Variants in NPHP4 observed in about 807,000 individuals in gnomAD.
NPHP4 encodes the protein nephrocystin-4.
In NPHP4, 151 loss-of-function variants were observed where a neutral mutation model predicts 155.8. That is an observed-to-expected ratio of 0.97 (90% CI 0.85 to 1.11). NPHP4 has a LOEUF of 1.11. NPHP4 is among the 50% of genes least tolerant of loss of function. NPHP4 has a pLI of 0.00. For synonymous variants in NPHP4, 845 were observed against 816.8 expected (o/e 1.03, Z -0.59); for missense variants, 1,956 against 1,925.7 (o/e 1.02, Z -0.29).
chr1:5,905,194 AGC>A lies in NPHP4; in HGVS notation c.1955+96_1955+97del. On this transcript the variant is annotated intron_variant, in intron 15 of 29. Transcript: ENST00000378156. This position sits in a 1 kb window ranked among gnomAD's most constrained non-coding sequence, Gnocchi z 4.0. ...GCACTCCCGAATCTACTAAGACCTC[AGC>A]ACAGACAGTTCTGCCAGGTCAGAAC... is the stretch of plus-strand genomic sequence containing the variant. 2 of 988,464 alleles carry A rather than the reference AGC, an allele frequency of 2.0e-6. No homozygotes were observed. The highest frequency in any genetic ancestry group is 4.8e-5 in the East Asian group (2 of 41,848). The allele number at this position is 988,464 out of a possible 1,614,324, so 61.2% of individuals were successfully genotyped here.
intron 16 of NPHP4, among the ~76,000 whole-genome samples, chr1:5,899,368 CA>C (rs1168277046): frequency 1.3e-5 from 2 of 152,154 alleles, no homozygotes; most frequent in Admixed American, 6.5e-5. Context: ...ACAGGGACCC[CA>C]CAGACAAGAG....
At chr1:5,953,767 T>C (rs1490285760) in intron 6 of NPHP4, among the ~76,000 whole-genome samples, 1 of 152,220 alleles carries the variant, frequency 6.6e-6, no homozygotes, top group Non-Finnish European at 1.5e-5. Flanking sequence ...CTTCTCCACT[T>C]GCTCTAGAGC....
intron 3 of NPHP4, among the ~76,000 whole-genome samples, chr1:5,972,092 A>AC (rs1652674320): frequency 6.6e-6 from 1 of 152,206 alleles, no homozygotes; most frequent in Non-Finnish European, 1.5e-5. Flanking sequence ...GCAGCCGGGC[A>AC]CCCCCCATGG....
intron 18 of NPHP4, among the ~76,000 whole-genome samples, chr1:5,886,007 A>G (rs565751959): frequency 1.1e-3 from 164 of 152,224 alleles, no homozygotes; most frequent in Non-Finnish European, 2.1e-3. Context: ...CAGGCAAAGT[A>G]TGAAAATGAC....
At chr1:5,920,822 TAC>T (rs749157613) in intron 11 of NPHP4, among the ~76,000 whole-genome samples, 2 of 152,256 alleles carry the variant, frequency 1.3e-5, no homozygotes, top group Non-Finnish European at 2.9e-5. Flanking sequence ...TAACTTTGTT[TAC>T]AGAGTCTTTT....
intron 2 of NPHP4, among the ~76,000 whole-genome samples, chr1:5,979,382 T>C (rs1337895991): frequency 1.3e-5 from 2 of 151,332 alleles, no homozygotes; most frequent in Non-Finnish European, 1.5e-5. Context: ...ATCCTTGAGC[T>C]GAGAACAAGG....
rs181274439 is a variant in NPHP4, at chr1:5,889,247, T to C, written c.2304+1621A>G. On this transcript the variant is annotated intron_variant, in intron 17 of 29. Coordinates refer to ENST00000378156, the MANE Select transcript of NPHP4 (RefSeq NM_015102.5). This position sits in a 1 kb window ranked among gnomAD's most constrained non-coding sequence, Gnocchi z 4.2. ...CGCAACAGCAAGAGCTCAAACAAGA[T>C]GAAAGCTGGCCCCGCCTGCAGAAAG... Among the ~76,000 whole-genome samples the C allele has an allele frequency of 2.3e-4, 35 of 152,202 alleles. No homozygotes were observed. The highest frequency in any genetic ancestry group is 9.2e-4 in the Admixed American group (14 of 15,296).
chr1:5,927,120 T>C (rs1482112451), intron 11 of NPHP4, among the ~76,000 whole-genome samples: 4 of 152,228 alleles, frequency 2.6e-5, no homozygotes, highest in Admixed American at 6.5e-5. Flanking sequence ...AAGAACTCTT[T>C]AACCTCCTAA....
At chr1:5,979,389 A>T (rs1654271390) in intron 2 of NPHP4, among the ~76,000 whole-genome samples, 1 of 152,050 alleles carries the variant, frequency 6.6e-6, no homozygotes, top group Non-Finnish European at 1.5e-5. Flanking sequence ...AGCTGAGAAC[A>T]AGGGGGGCAT....
chr1:5,916,204 A>G (rs1197722232), intron 11 of NPHP4, among the ~76,000 whole-genome samples: 1 of 152,232 alleles, frequency 6.6e-6, no homozygotes, highest in Non-Finnish European at 1.5e-5. Flanking sequence ...TTCTGTGGTA[A>G]GTGATGAATG....
chr1:5,991,065 T>C (rs534652665), intron 1 of NPHP4, among the ~76,000 whole-genome samples: 2 of 152,150 alleles, frequency 1.3e-5, no homozygotes, highest in African/African-American at 2.4e-5. Flanking sequence ...TGAAGGAAGA[T>C]GCAGGGGGTG....
chr1:5,991,021 C>A (rs903814719), intron 1 of NPHP4, among the ~76,000 whole-genome samples: 1 of 152,120 alleles, frequency 6.6e-6, no homozygotes, highest in African/African-American at 2.4e-5. Context: ...TGAGCAGCAA[C>A]AGGCCCCCGG....
chr1:5,931,157 A>C (rs1000874808), intron 10 of NPHP4, among the ~76,000 whole-genome samples: 4 of 152,196 alleles, frequency 2.6e-5, no homozygotes, highest in African/African-American at 9.7e-5. Context: ...ATTTATTTAA[A>C]GTATACTTCT....
chr1:5,864,181 G>A (rs1640941920), intron 28 of NPHP4, 148 bp from the exon 29 acceptor site: 5 of 1,142,614 alleles, frequency 4.4e-6, no homozygotes, highest in Non-Finnish European at 6.3e-6. Flanking sequence ...TTCCATCCGG[G>A]AGAGACACAG....
intron 12 of NPHP4, among the ~76,000 whole-genome samples, chr1:5,908,287 G>A (rs561451284): frequency 2.6e-5 from 4 of 152,370 alleles, no homozygotes; most frequent in Admixed American, 6.5e-5. Flanking sequence ...GGAAGCCTGG[G>A]AGGCCGTCCA....
intron 18 of NPHP4, among the ~76,000 whole-genome samples, chr1:5,885,873 C>T (rs1302754271): frequency 6.6e-6 from 1 of 152,240 alleles, no homozygotes; most frequent in Non-Finnish European, 1.5e-5. Flanking sequence ...GCTCGCTGCA[C>T]TGATGCGCAG....
At chr1:5,891,700 CATT>C (rs1644136313) in intron 16 of NPHP4, among the ~76,000 whole-genome samples, 2 of 152,268 alleles carry the variant, frequency 1.3e-5, no homozygotes, top group East Asian at 3.8e-4. Flanking sequence ...TTCAAAACAA[CATT>C]ATTTCTCTTT....
At chr1:5,904,066 G>T (rs576498433) in intron 16 of NPHP4, among the ~76,000 whole-genome samples, 1 of 152,316 alleles carries the variant, frequency 6.6e-6, no homozygotes, top group African/African-American at 2.4e-5. Flanking sequence ...ACAGAATCCA[G>T]ACTGTGGGGT....
chr1:5,865,399 A>G (rs1641111480), intron 26 of NPHP4, 126 bp from the exon 27 acceptor site: 8 of 825,646 alleles, frequency 9.7e-6, no homozygotes, highest in Non-Finnish European at 1.3e-5. Flanking sequence ...CCAGAGGACC[A>G]GGCCACAGGA....
Sources: allele counts gnomAD v4.1 joint callset (sites outside exome capture counted in the v4.1 genomes callset), GRCh38; gene constraint gnomAD v4.1.1; non-coding constraint Gnocchi (gnomAD v3.1); transcripts MANE v1.5; gene names NCBI Gene and HGNC (gene_info 2026-07-23, HGNC 2026-07-21).